CLSTN2: variants seen among roughly 807,000 people sequenced by gnomAD.
CLSTN2 encodes the protein calsyntenin 2.
Under a neutral mutation model 101.2 loss-of-function variants are expected in CLSTN2, and 48 were observed. The ratio of observed to expected loss-of-function variants is 0.47; its 90% CI spans 0.38 to 0.60. The LOEUF (loss-of-function observed/expected upper bound fraction) is 0.60, where lower values mean the gene tolerates loss of function less well. Ranked by LOEUF, CLSTN2 falls within the 20% of genes least tolerant of loss-of-function variation. CLSTN2 has a pLI of 0.00. For synonymous variants in CLSTN2, 481 were observed against 463.6 expected (o/e 1.04, Z -0.48); for missense variants, 1,160 against 1,238.2 (o/e 0.94, Z 0.95).
intron 8 of CLSTN2, among the ~76,000 whole-genome samples, chr3:140,505,057 G>A (rs548606956): frequency 1.5e-4 from 22 of 147,498 alleles, no homozygotes; most frequent in South Asian, 8.3e-4. Context: ...CTGACTCGTA[G>A]TTCAAAGAAA....
At chr3:140,011,449 G>T (rs1013173714) in intron 1 of CLSTN2, among the ~76,000 whole-genome samples, 1 of 152,104 alleles carries the variant, frequency 6.6e-6, no homozygotes, top group Non-Finnish European at 1.5e-5. Context: ...TACCGCAGAT[G>T]ACCATCCTGC....
chr3:140,064,411 G>C (rs1306437522), intron 1 of CLSTN2, among the ~76,000 whole-genome samples: 8 of 152,168 alleles, frequency 5.3e-5, no homozygotes, highest in Admixed American at 2.0e-4. Context: ...TGTCTTTCCT[G>C]CCTATGGAGA....
At chr3:140,367,188 A>G (rs961324084) in intron 2 of CLSTN2, among the ~76,000 whole-genome samples, 26 of 152,168 alleles carry the variant, frequency 1.7e-4, no homozygotes, top group African/African-American at 5.8e-4. Context: ...GAACTTTACA[A>G]TTATGGAACT....
chr3:140,114,821 C>A (rs994199779), intron 1 of CLSTN2, among the ~76,000 whole-genome samples: 1 of 152,158 alleles, frequency 6.6e-6, no homozygotes, highest in Non-Finnish European at 1.5e-5. Flanking sequence ...ATCCCAGCTG[C>A]ACAGCGACCT....
intron 1 of CLSTN2, among the ~76,000 whole-genome samples, chr3:140,165,231 C>G (rs76648813): frequency 0.031 from 4,711 of 152,172 alleles, 259 homozygotes; most frequent in African/African-American, 0.1. Flanking sequence ...CAAATGTCAC[C>G]CTAAGATTTG....
chr3:140,520,884 T>G (rs1156311940), intron 8 of CLSTN2, among the ~76,000 whole-genome samples: 1 of 152,192 alleles, frequency 6.6e-6, no homozygotes, highest in Non-Finnish European at 1.5e-5. Flanking sequence ...TGTCTGCCTG[T>G]CTTATTTCAG....
At chr3:140,201,414 G>A (rs1576465068) in intron 2 of CLSTN2, among the ~76,000 whole-genome samples, 1 of 152,096 alleles carries the variant, frequency 6.6e-6, no homozygotes, top group Non-Finnish European at 1.5e-5. Flanking sequence ...GGAAGTAGGA[G>A]CAACAATGAG....
chr3:139,977,644 T>G (rs892506238), intron 1 of CLSTN2, among the ~76,000 whole-genome samples: 2 of 151,462 alleles, frequency 1.3e-5, no homozygotes, highest in African/African-American at 4.9e-5. Flanking sequence ...GACGCTCCTT[T>G]GTTCATACTG....
rs568853060 is a variant in CLSTN2 at position 140,277,621 on chromosome 3, A to G, written c.232+101548A>G. ...CATGCTGCATAATTGAATTATACCA[A>G]CGATTAATTTTTTTAAATAATTATT... On this transcript the variant is annotated intron_variant, in intron 2 of 16. Coordinates refer to ENST00000458420, the MANE Select transcript of CLSTN2 (RefSeq NM_022131.3). Among the ~76,000 whole-genome samples, 5 of 152,334 alleles carry G rather than the reference A, an allele frequency of 3.3e-5. No homozygotes were observed. In the South Asian group the frequency reaches 1.0e-3, roughly 32 times the overall value.
intron 6 of CLSTN2, among the ~76,000 whole-genome samples, chr3:140,450,994 A>G (rs938857029): frequency 1.3e-5 from 2 of 152,172 alleles, no homozygotes; most frequent in African/African-American, 4.8e-5. Context: ...TGCACTATTC[A>G]GAAAACCACC....
At chr3:140,438,528 C>T (rs2088711525) in intron 5 of CLSTN2, among the ~76,000 whole-genome samples, 1 of 142,358 alleles carries the variant, frequency 7.0e-6, no homozygotes, top group African/African-American at 2.7e-5. Flanking sequence ...ATACATAAGC[C>T]ATCTTTTCAA....
chr3:140,463,953 G>A (rs1319942178), intron 7 of CLSTN2, among the ~76,000 whole-genome samples: 2 of 152,144 alleles, frequency 1.3e-5, no homozygotes, highest in Admixed American at 1.3e-4. Context: ...TTTCGCATGA[G>A]GAATTTGCCG....
chr3:140,011,249 A>G (rs2007067117), intron 1 of CLSTN2, among the ~76,000 whole-genome samples: 1 of 152,160 alleles, frequency 6.6e-6, no homozygotes, highest in Non-Finnish European at 1.5e-5. Context: ...ACATAATGAC[A>G]AGTATTGTGG....
At chr3:140,231,752 T>C (rs78918360) in intron 2 of CLSTN2, among the ~76,000 whole-genome samples, 6,051 of 152,282 alleles carry the variant, frequency 0.04, 369 homozygotes, top group African/African-American at 0.14. Flanking sequence ...TGTTTTAGAT[T>C]GTTTTTGAAT....
rs1489987854 is a variant in CLSTN2 at position 139,998,331 on chromosome 3, CA to C, written c.109+62849del. On this transcript the variant is annotated intron_variant, in intron 1 of 16. Coordinates refer to ENST00000458420, the MANE Select transcript of CLSTN2 (RefSeq NM_022131.3). ...GGATAATGGGATAATAGTTCCCCCA[CA>C]TGCCTTTTTTTTTTTTTTTTTTTTG... 2.2e-4 allele frequency among the ~76,000 whole-genome samples: 13 copies of C among 58,594 alleles called. No homozygotes were observed. The East Asian group carries it at 0.011, about 50-fold the overall frequency. 38.4% of individuals were successfully genotyped at this position (58,594 alleles called of 152,430 possible).
intron 2 of CLSTN2, among the ~76,000 whole-genome samples, chr3:140,205,888 G>A (rs2107843884): frequency 6.6e-6 from 1 of 152,192 alleles, no homozygotes; most frequent in Non-Finnish European, 1.5e-5. Context: ...TGCTACACAG[G>A]GTGGATGGAG....
intron 6 of CLSTN2, among the ~76,000 whole-genome samples, chr3:140,455,016 G>A (rs1207387342): frequency 6.6e-6 from 1 of 152,154 alleles, no homozygotes; most frequent in African/African-American, 2.4e-5. Flanking sequence ...CACCCACCAA[G>A]CTTCTTCCTT....
intron 1 of CLSTN2, among the ~76,000 whole-genome samples, chr3:140,117,175 C>T (rs2009258484): frequency 1.3e-5 from 2 of 152,254 alleles, no homozygotes; most frequent in Non-Finnish European, 2.9e-5. Context: ...AGTTAGCATT[C>T]CTCTGCCTTC....
At chr3:140,226,582 A>C (rs772495863) in intron 2 of CLSTN2, among the ~76,000 whole-genome samples, 20 of 152,202 alleles carry the variant, frequency 1.3e-4, no homozygotes, top group Non-Finnish European at 2.5e-4. Flanking sequence ...ATTTTTTATA[A>C]TAAAATGTTG....
Sources: gnomAD v4.1 joint callset for allele counts (sites outside exome capture counted in the v4.1 genomes callset) on GRCh38, gnomAD v4.1.1 for gene constraint, MANE v1.5 for transcripts, NCBI Gene and HGNC (gene_info 2026-07-23, HGNC 2026-07-21) for gene names.